ACTA2: variants seen among roughly 807,000 people sequenced by gnomAD.
ACTA2 encodes actin, aortic smooth muscle.
Under a neutral mutation model 39.5 loss-of-function variants are expected in ACTA2, and 12 were observed. The ratio of observed to expected loss-of-function variants is 0.30; its 90% CI spans 0.19 to 0.49. The LOEUF (loss-of-function observed/expected upper bound fraction) is 0.49. Ranked by LOEUF, ACTA2 falls within the 20% of genes least tolerant of loss-of-function variation. The pLI is 0.99. For synonymous variants in ACTA2, 158 were observed against 180.6 expected, an observed-to-expected ratio of 0.88 and a Z score of 1.00; for missense variants, 236 against 498.8, an observed-to-expected ratio of 0.47 and a Z score of 5.02.
chr10:88,983,575 G>A (rs866677693), intron 1 of ACTA2, among the ~76,000 whole-genome samples: 2 of 115,176 alleles, frequency 1.7e-5, no homozygotes, highest in Non-Finnish European at 3.2e-5. Context: ...ACTTTACAGG[G>A]AGTTGTAAGG....
At chr10:88,936,312 A>G (rs1482011465) in intron 8 of ACTA2, among the ~76,000 whole-genome samples, 1 of 152,216 alleles carries the variant, frequency 6.6e-6, no homozygotes, top group Non-Finnish European at 1.5e-5. Context: ...GGTTTTAAAA[A>G]TAACCTTTTT....
Position 88,969,238 on chromosome 10 carries a change from T to C in ACTA2, c.-23-20285A>G, listed in dbSNP as rs1358756382. Among the ~76,000 whole-genome samples, 11 of 152,204 alleles carry C rather than the reference T, an allele frequency of 7.2e-5. 1 individual carries two copies. Among genetic ancestry groups the C allele is most frequent in the Admixed American group, 7.2e-4 (11 of 15,276 alleles). On this transcript the variant is annotated intron_variant, in intron 1 of 4. Coordinates refer to the ACTA2 transcript ENST00000415557. ...ATAGGATCAGCATAGATTTCCGTAA[T>C]GTCCAAATTACCTTGCCATTTCTTT...
upstream of ACTA2, among the ~76,000 whole-genome samples, chr10:88,956,168 T>C (rs1779622589): frequency 6.6e-6 from 1 of 152,242 alleles, no homozygotes; most frequent in Non-Finnish European, 1.5e-5. Flanking sequence ...TTCCTATTGC[T>C]GCTCTAACAA....
upstream of ACTA2, among the ~76,000 whole-genome samples, chr10:88,957,327 A>G (rs985227314): frequency 5.3e-5 from 8 of 152,230 alleles, no homozygotes; most frequent in Non-Finnish European, 5.9e-5. Flanking sequence ...AGATTGCAGA[A>G]TAGCACCTGT....
At chr10:88,948,337 C>T (rs1025117665) in intron 2 of ACTA2, 3 of 172,378 alleles carry the variant, frequency 1.7e-5, no homozygotes, top group Non-Finnish European at 3.8e-5. Context: ...GTAAAATTAC[C>T]ATGCGGCTGT....
At position 88,949,662 on chromosome 10, in the gene ACTA2, A is replaced by G. The variant is rs151213306; in HGVS notation, c.-23-709T>C. The stretch of plus-strand genomic sequence containing the variant: ...GTGAGCCTGATGGATTATATATCAT[A>G]TGGTAGAATACTTTACTGCCATTAA... On this transcript the variant is annotated intron_variant, in intron 1 of 8. Coordinates refer to ENST00000224784, the MANE Select transcript of ACTA2 (RefSeq NM_001613.4). Among the ~76,000 whole-genome samples, 1,261 of 152,326 alleles carry G rather than the reference A, an allele frequency of 8.3e-3. 8 individuals carry two copies. Among genetic ancestry groups the G allele is most frequent in the African/African-American group, 0.022 (925 of 41,566 alleles).
intron 1 of ACTA2, among the ~76,000 whole-genome samples, chr10:88,988,429 TTTGTTTTG>T (rs202056832): frequency 0.49 from 15,851 of 32,642 alleles, 1,357 homozygotes; most frequent in East Asian, 0.64. Flanking sequence ...TTTTTTTTTT[TTTGTTTTG>T]TTTTTTATCT....
intron 1 of ACTA2, chr10:88,975,114 C>A (rs1846532720): frequency 3.3e-5 from 5 of 151,552 alleles, no homozygotes. Flanking sequence ...ATTAAATTAC[C>A]CACTGAAGTG....
chr10:88,985,652 C>T (rs1846859062), intron 1 of ACTA2, among the ~76,000 whole-genome samples: 1 of 152,190 alleles, frequency 6.6e-6, no homozygotes, highest in African/African-American at 2.4e-5. Context: ...AGTCCCCCAC[C>T]CCCATCCCAC....
chr10:88,984,675 T>C (rs529361733), intron 1 of ACTA2, among the ~76,000 whole-genome samples: 3 of 151,662 alleles, frequency 2.0e-5, no homozygotes, highest in Non-Finnish European at 4.4e-5. Flanking sequence ...TCTTGACTTC[T>C]TATGTTTAGT....
At position 88,990,688 on chromosome 10, in the gene ACTA2, T is replaced by C. The variant is rs1564669629; in HGVS notation, c.-24+251A>G. ...GTGACACACAGGTGTTCAAAGACGCTTCTGGGGAGTGAGGGAAGCGGTTTA... is the reference window on the plus strand; with the variant it reads ...GTGACACACAGGTGTTCAAAGACGCCTCTGGGGAGTGAGGGAAGCGGTTTA... On this transcript the variant is annotated intron_variant, in intron 1 of 4. Transcript: ENST00000415557. This position sits in a 1 kb window ranked among gnomAD's most constrained non-coding sequence, Gnocchi z 4.9. 2.8e-6 allele frequency: 2 copies of C among 718,702 alleles called. No individual in the cohort carries two copies. Among genetic ancestry groups the C allele is most frequent in the East Asian group, 2.7e-5 (1 of 37,356 alleles). The allele number at this position is 718,702 out of a possible 1,614,324, so 44.5% of individuals were successfully genotyped here. A position where few individuals can be genotyped will look rare whatever the true frequency, so the allele number is the denominator to read the frequency against.
chr10:88,982,170 CT>C (rs1846727280), intron 1 of ACTA2, among the ~76,000 whole-genome samples: 1 of 152,204 alleles, frequency 6.6e-6, no homozygotes, highest in South Asian at 2.1e-4. Flanking sequence ...TCCTCAAGTG[CT>C]TGGGCCCATG....
chr10:88,965,277 T>C (rs1251467714), intron 1 of ACTA2, among the ~76,000 whole-genome samples: 1 of 149,630 alleles, frequency 6.7e-6, no homozygotes, highest in Non-Finnish European at 1.5e-5. Context: ...TAGGGCACCC[T>C]GCCCTTCTAC....
intron 3 of ACTA2, among the ~76,000 whole-genome samples, chr10:88,946,093 GACATTT>G (rs751861939): frequency 4.4e-4 from 67 of 152,094 alleles, no homozygotes; most frequent in Non-Finnish European, 7.9e-4. Flanking sequence ...AATAGGCAAG[GACATTT>G]TTTTCCTTTT....
At chr10:88,991,155 C>CGCTGGGCAG (rs1413646472) in exon 1 of ACTA2, 2 of 596,038 alleles carry the variant, frequency 3.4e-6, no homozygotes, top group Non-Finnish European at 6.0e-6. Context: ...GTGCTGACCC[C>CGCTGGGCAG]GCTGGGCAGG....
At chr10:88,967,245 G>GT (rs1470731224) in intron 1 of ACTA2, among the ~76,000 whole-genome samples, 1 of 152,156 alleles carries the variant, frequency 6.6e-6, no homozygotes, top group Non-Finnish European at 1.5e-5. Flanking sequence ...ATTTGAGATA[G>GT]TTGGAACAGG....
At chr10:88,944,902 A>G (rs1412273852) in intron 3 of ACTA2, among the ~76,000 whole-genome samples, 1 of 152,256 alleles carries the variant, frequency 6.6e-6, no homozygotes, top group Non-Finnish European at 1.5e-5. Context: ...AAACAGAGCA[A>G]AACAAGAACT....
chr10:88,935,720 G>A (rs1454338917), intron 8 of ACTA2: 3 of 332,138 alleles, frequency 9.0e-6, no homozygotes, highest in Admixed American at 8.3e-5. Flanking sequence ...AATTCAACAC[G>A]ATACACTTTC....
At chr10:88,979,859 C>T (rs1397890548) in intron 1 of ACTA2, among the ~76,000 whole-genome samples, 2 of 152,198 alleles carry the variant, frequency 1.3e-5, no homozygotes, top group African/African-American at 2.4e-5. Context: ...CACCACACAC[C>T]TCCTCACACA....
Sources: allele counts gnomAD v4.1 joint callset (sites outside exome capture counted in the v4.1 genomes callset), GRCh38; gene constraint gnomAD v4.1.1; non-coding constraint Gnocchi (gnomAD v3.1); transcripts MANE v1.5; gene names NCBI Gene and HGNC (gene_info 2026-07-23, HGNC 2026-07-21).